SLC8A1: variants seen among roughly 807,000 people sequenced by gnomAD.
The protein encoded by SLC8A1 is sodium/calcium exchanger 1.
A neutral mutation model predicts 68.3 loss-of-function variants in SLC8A1; 18 were observed. The observed-to-expected ratio is 0.26, with a 90% CI of 0.18 to 0.39. SLC8A1 has a LOEUF of 0.39. Among genes scored for constraint, SLC8A1 ranks in the 10% least tolerant of loss-of-function variants. SLC8A1 has a pLI of 1.00. For missense variants in SLC8A1, 985 were observed against 1,156.7 expected, an observed-to-expected ratio of 0.85 and a Z score of 2.15; for synonymous variants, 475 against 415.5, an observed-to-expected ratio of 1.14 and a Z score of -1.74.
At chr2:40,179,094 T>C (rs931707017) in intron 2 of SLC8A1, among the ~76,000 whole-genome samples, 8 of 152,218 alleles carry the variant, frequency 5.3e-5, no homozygotes, top group African/African-American at 1.9e-4. Context: ...ATCAAACTCT[T>C]ATTCAGGTTA....
At chr2:40,315,335 T>A (rs901990422) in intron 2 of SLC8A1, among the ~76,000 whole-genome samples, 13 of 151,862 alleles carry the variant, frequency 8.6e-5, no homozygotes, top group Non-Finnish European at 1.6e-4. Context: ...TAATGCTGAA[T>A]TGCAAAACGT....
intron 2 of SLC8A1, among the ~76,000 whole-genome samples, chr2:40,256,281 T>C (rs115004101): frequency 2.0e-5 from 3 of 152,292 alleles, no homozygotes; most frequent in Non-Finnish European, 4.4e-5. Context: ...GTGTGGAATA[T>C]AAAATTCCTT....
At chr2:40,253,088 ATATAG>A (rs539918944) in intron 2 of SLC8A1, among the ~76,000 whole-genome samples, 15 of 103,404 alleles carry the variant, frequency 1.5e-4, no homozygotes, top group African/African-American at 3.9e-4. Context: ...GTATAAATGT[ATATAG>A]TATATATACA....
chr2:40,415,887 CACACACACACACACACACACACACAT>C (rs1329354774), intron 2 of SLC8A1, among the ~76,000 whole-genome samples: 88 of 149,766 alleles, frequency 5.9e-4, no homozygotes, highest in Middle Eastern at 3.4e-3. Context: ...CACACACACA[CACACACACACACACACACACACACAT>C]TAGCTGGGCG....
intron 2 of SLC8A1, among the ~76,000 whole-genome samples, chr2:40,270,245 C>T (rs1445752022): frequency 6.6e-6 from 1 of 152,222 alleles, no homozygotes; most frequent in Non-Finnish European, 1.5e-5. Context: ...GCTTCAGATC[C>T]ACAGTGGTGC....
chr2:40,422,054 C>G (rs562442685), intron 2 of SLC8A1, among the ~76,000 whole-genome samples: 4 of 152,072 alleles, frequency 2.6e-5, no homozygotes, highest in Non-Finnish European at 5.9e-5. Context: ...TCCTGCCTGC[C>G]CACTCAGCAC....
chr2:40,206,911 T>C (rs918146200), intron 2 of SLC8A1, among the ~76,000 whole-genome samples: 53 of 152,042 alleles, frequency 3.5e-4, no homozygotes, highest in African/African-American at 1.3e-3. Flanking sequence ...TGGCACAAAA[T>C]GTGAATTCAT....
chr2:40,182,467 A>C (rs1489819924), intron 2 of SLC8A1, among the ~76,000 whole-genome samples: 1 of 152,162 alleles, frequency 6.6e-6, no homozygotes, highest in Non-Finnish European at 1.5e-5. Flanking sequence ...ATGGAAGTAC[A>C]TTTTGGTTCT....
At chr2:40,413,560 A>G (rs781099171) in intron 2 of SLC8A1, among the ~76,000 whole-genome samples, 1 of 152,196 alleles carries the variant, frequency 6.6e-6, no homozygotes, top group Non-Finnish European at 1.5e-5. Context: ...TCAGAAGTTA[A>G]TAACATTGGT....
chr2:40,374,320 C>T (rs192532519), intron 2 of SLC8A1, among the ~76,000 whole-genome samples: 9 of 151,194 alleles, frequency 6.0e-5, no homozygotes, highest in Admixed American at 4.0e-4. Context: ...CAGACCAGCC[C>T]GGGAAATATG....
intron 1 of SLC8A1, among the ~76,000 whole-genome samples, chr2:40,485,806 T>C (rs544815414): frequency 6.2e-4 from 95 of 152,334 alleles, no homozygotes; most frequent in Non-Finnish European, 1.1e-3. Flanking sequence ...GCATTTTATA[T>C]GTAGCATTTT....
At chr2:40,237,801 G>T (rs1185021261) in intron 2 of SLC8A1, among the ~76,000 whole-genome samples, 1 of 152,156 alleles carries the variant, frequency 6.6e-6, no homozygotes, top group South Asian at 2.1e-4. Flanking sequence ...CGTCCTTTCT[G>T]TTTGTTAGTT....
intron 1 of SLC8A1, among the ~76,000 whole-genome samples, chr2:40,464,226 A>G (rs1703525383): frequency 1.3e-5 from 2 of 152,332 alleles, no homozygotes; most frequent in South Asian, 4.1e-4. Flanking sequence ...TATTTCGGGC[A>G]GTTCCCTGAA....
At chr2:40,199,251 T>C (rs952839787) in intron 2 of SLC8A1, among the ~76,000 whole-genome samples, 2 of 151,784 alleles carry the variant, frequency 1.3e-5, no homozygotes, top group African/African-American at 2.4e-5. Context: ...AGATCTATCA[T>C]AGTGGTGGAA....
chr2:40,293,231 T>C (rs1212386610), intron 2 of SLC8A1, among the ~76,000 whole-genome samples: 2 of 152,152 alleles, frequency 1.3e-5, no homozygotes, highest in Non-Finnish European at 2.9e-5. Context: ...GTACTTTTGG[T>C]TCATCTAAAA....
At chr2:40,437,186 CCA>C (rs1317960362) in intron 1 of SLC8A1, among the ~76,000 whole-genome samples, 1 of 152,144 alleles carries the variant, frequency 6.6e-6, no homozygotes, top group Non-Finnish European at 1.5e-5. Context: ...ATAACGATTT[CCA>C]AAATGGCAGA....
At chr2:40,415,960 G>A (rs909521307) in intron 2 of SLC8A1, among the ~76,000 whole-genome samples, 1 of 149,478 alleles carries the variant, frequency 6.7e-6, no homozygotes, top group African/African-American at 2.5e-5. Context: ...TACTTAGGAG[G>A]CTGAGGCAGG....
intron 1 of SLC8A1, among the ~76,000 whole-genome samples, chr2:40,472,472 T>C (rs1016287441): frequency 2.0e-5 from 3 of 152,202 alleles, no homozygotes; most frequent in African/African-American, 7.2e-5. Flanking sequence ...CACTGCACAC[T>C]CATCTAGCTG....
intron 1 of SLC8A1, among the ~76,000 whole-genome samples, chr2:40,434,470 G>T (rs1411923998): frequency 6.6e-6 from 1 of 152,062 alleles, no homozygotes; most frequent in South Asian, 2.1e-4. Context: ...TCTATCATCA[G>T]ATTCAAAGTA....
Sources: allele counts gnomAD v4.1 joint callset (sites outside exome capture counted in the v4.1 genomes callset), GRCh38; gene constraint gnomAD v4.1.1; transcripts MANE v1.5; gene names NCBI Gene and HGNC (gene_info 2026-07-23, HGNC 2026-07-21).